The following VPS8 variants were observed in gnomAD, a reference collection of about 807,000 sequenced individuals.
VPS8 encodes VPS8 subunit of CORVET complex, also known as vacuolar protein sorting-associated protein 8 homolog.
In VPS8, 129 loss-of-function variants were observed where a neutral mutation model predicts 216.4. That is an observed-to-expected ratio of 0.60 (90% CI 0.52 to 0.69). The LOEUF (loss-of-function observed/expected upper bound fraction) is 0.69. VPS8 is among the 30% of genes least tolerant of loss of function. The probability of loss-of-function intolerance (pLI) is 0.00; values close to 1 mark genes in which losing one functional copy is unlikely to be tolerated. For missense variants in VPS8, 1,531 were observed against 1,683.5 expected (o/e 0.91, Z 1.59); for synonymous variants, 571 against 565.4 (o/e 1.01, Z -0.14).
At chr3:184,953,652 A>T (rs1745097558) in intron 36 of VPS8, among the ~76,000 whole-genome samples, 1 of 152,192 alleles carries the variant, frequency 6.6e-6, no homozygotes. Flanking sequence ...GACATATGTT[A>T]AGATGTTATC....
chr3:184,881,309 G>A (rs957788433), intron 21 of VPS8, among the ~76,000 whole-genome samples: 3 of 152,042 alleles, frequency 2.0e-5, no homozygotes, highest in African/African-American at 7.2e-5. Flanking sequence ...TCTATTTTGA[G>A]TTAATTTTTA....
chr3:185,051,825 CTT>C, intron 47 of VPS8, 49 bp from the exon 48 acceptor site: 1 of 1,505,648 alleles, frequency 6.6e-7, no homozygotes, highest in South Asian at 1.4e-5. Flanking sequence ...AGGAGCCTCT[CTT>C]CCCTCTGCTC....
chr3:184,852,413 G>T (rs1286659512), intron 10 of VPS8, 87 bp from the exon 11 acceptor site: 2 of 1,109,538 alleles, frequency 1.8e-6, no homozygotes, highest in African/African-American at 1.6e-5. Flanking sequence ...TGTGTATATT[G>T]TAGTTTTTCA....
intron 21 of VPS8, among the ~76,000 whole-genome samples, chr3:184,874,429 AT>A (rs1372440252): frequency 3.9e-5 from 6 of 152,162 alleles, no homozygotes; most frequent in African/African-American, 1.4e-4. Flanking sequence ...TTGGGTGAAG[AT>A]TTAGTGACTG....
intron 46 of VPS8, among the ~76,000 whole-genome samples, chr3:185,034,568 T>TC (rs1240322092): frequency 2.6e-5 from 4 of 152,196 alleles, no homozygotes; most frequent in African/African-American, 7.2e-5. Context: ...TGAGAATATC[T>TC]CCTCCTGTTC....
At chr3:184,819,591 G>T (rs1010381310) in intron 1 of VPS8, among the ~76,000 whole-genome samples, 1 of 152,182 alleles carries the variant, frequency 6.6e-6, no homozygotes, top group Non-Finnish European at 1.5e-5. Flanking sequence ...GGAATGAAGG[G>T]CCTGCTTAAT....
At chr3:185,004,574 G>A (rs1033867455) in intron 45 of VPS8, among the ~76,000 whole-genome samples, 3 of 152,182 alleles carry the variant, frequency 2.0e-5, no homozygotes, top group African/African-American at 7.2e-5. Context: ...CAGGAGTAAA[G>A]TGGTGTCTTA....
chr3:184,960,203 G>A (rs1746287947), intron 37 of VPS8, among the ~76,000 whole-genome samples: 1 of 152,154 alleles, frequency 6.6e-6, no homozygotes, highest in Non-Finnish European at 1.5e-5. Flanking sequence ...ATTCCATGGT[G>A]TATATGTGCC....
intron 1 of VPS8, 48 bp from the exon 2 acceptor site, chr3:184,824,497 A>G: frequency 1.1e-6 from 1 of 918,966 alleles, no homozygotes; most frequent in Non-Finnish European, 1.6e-6. Flanking sequence ...GAGGAAATCT[A>G]AATGATAGTG....
At chr3:184,881,454 G>T (rs186712040) in intron 21 of VPS8, among the ~76,000 whole-genome samples, 14 of 152,178 alleles carry the variant, frequency 9.2e-5, no homozygotes, top group African/African-American at 3.4e-4. Flanking sequence ...TCAAAAATCA[G>T]CTGGGCTTAT....
At chr3:184,835,585 T>C (rs774496121) in intron 5 of VPS8, among the ~76,000 whole-genome samples, 21 of 152,244 alleles carry the variant, frequency 1.4e-4, no homozygotes, top group Non-Finnish European at 2.8e-4. Flanking sequence ...GTACAGATTC[T>C]GTATATAATG....
intron 26 of VPS8, among the ~76,000 whole-genome samples, 176 bp downstream of exon 26, chr3:184,913,737 G>T (rs927658022): frequency 5.9e-5 from 9 of 152,058 alleles, no homozygotes; most frequent in African/African-American, 1.9e-4. Flanking sequence ...GGAGATGTTT[G>T]GCAACATCTA....
chr3:184,861,655 T>C (rs146011046), intron 15 of VPS8, among the ~76,000 whole-genome samples: 106 of 152,362 alleles, frequency 7.0e-4, no homozygotes, highest in African/African-American at 2.0e-3. Context: ...CAGAAGTGTA[T>C]GTGACCATTA....
At chr3:184,898,238 A>T (rs1044745051) in intron 23 of VPS8, among the ~76,000 whole-genome samples, 2 of 152,144 alleles carry the variant, frequency 1.3e-5, no homozygotes, top group South Asian at 4.1e-4. Flanking sequence ...CCCAGTGCCT[A>T]TGAGAGGGTC....
At position 185,024,319 on chromosome 3, in the gene VPS8, T is replaced by A. The variant is rs1299842875; in HGVS notation, c.4003-17T>A. Reference sequence around the variant, plus strand: ...TATAACTGAAAGGGTATTAAAATGTTTGCCTTTTTTTTCCAGGTAAAAATG... The same window carrying A: ...TATAACTGAAAGGGTATTAAAATGTATGCCTTTTTTTTCCAGGTAAAAATG... On this transcript the variant is annotated splice_polypyrimidine_tract_variant and intron_variant, in intron 45 of 47. Transcript: ENST00000625842. 11 of 1,575,422 alleles carry A rather than the reference T, an allele frequency of 7.0e-6. No individual in the cohort carries two copies. Among genetic ancestry groups the A allele is most frequent in the Middle Eastern group, 3.3e-4 (2 of 6,022 alleles).
intron 29 of VPS8, among the ~76,000 whole-genome samples, chr3:184,923,155 T>G (rs1330937306): frequency 9.3e-6 from 1 of 107,732 alleles, no homozygotes; most frequent in Non-Finnish European, 2.0e-5. Context: ...GAATGGAGGG[T>G]GGAAGGAGGG....
chr3:184,977,526 C>G (rs935690266), intron 40 of VPS8, among the ~76,000 whole-genome samples: 1 of 151,906 alleles, frequency 6.6e-6, no homozygotes, highest in Non-Finnish European at 1.5e-5. Flanking sequence ...AATTCTTTAC[C>G]AGGGCTGATA....
chr3:184,864,019 TTGAA>T (rs1726877998), intron 16 of VPS8, among the ~76,000 whole-genome samples: 1 of 152,126 alleles, frequency 6.6e-6, no homozygotes, highest in South Asian at 2.1e-4. Flanking sequence ...TTTCTTGTGT[TTGAA>T]TGGTATTAAA....
At position 184,863,170 on chromosome 3, in the gene VPS8, T is replaced by A. The variant is rs1438065765; in HGVS notation, c.1395+103T>A. On this transcript the variant is annotated intron_variant, in intron 16 of 47. Transcript: ENST00000625842. ...TAGGAACTCTGGGGAGTTACCTTTT[T>A]CTGTCTTGAGGTGTTTCTTTACAAG... 1.9e-4 allele frequency: 277 copies of A among 1,420,766 alleles called. 3 individuals are homozygous for A. The Admixed American group carries it at 5.5e-3, about 28-fold the overall frequency. 88.0% of individuals were successfully genotyped at this position (1,420,766 alleles called of 1,614,324 possible). A position where few individuals can be genotyped will look rare whatever the true frequency, so the allele number is the denominator to read the frequency against.
Sources: gnomAD v4.1 joint callset for allele counts (sites outside exome capture counted in the v4.1 genomes callset) on GRCh38, gnomAD v4.1.1 for gene constraint, MANE v1.5 for transcripts, NCBI Gene and HGNC (gene_info 2026-07-23, HGNC 2026-07-21) for gene names.